Variants in CSMD1 observed in about 807,000 individuals in gnomAD.
CSMD1 encodes the protein CUB and Sushi multiple domains 1.
CSMD1 carries 213 observed loss-of-function variants against 417.5 expected under a neutral mutation model. That is an observed-to-expected ratio of 0.51 (90% CI 0.46 to 0.57). CSMD1 has a LOEUF of 0.57. CSMD1 is among the 20% of genes least tolerant of loss of function. The pLI, the probability that CSMD1 is intolerant of heterozygous loss-of-function variation, is 0.00. For synonymous variants in CSMD1, 2,862 were observed against 1,736.8 expected (o/e 1.65, Z -16.11); for missense variants, 6,923 against 4,529.7 (o/e 1.53, Z -15.17).
chr8:3,634,082 A>AG (rs1796917267), intron 7 of CSMD1, among the ~76,000 whole-genome samples: 2 of 148,836 alleles, frequency 1.3e-5, no homozygotes, highest in Admixed American at 6.7e-5. Flanking sequence ...TGGTGGGGGG[A>AG]GGGGGCCGTG....
intron 1 of CSMD1, among the ~76,000 whole-genome samples, chr8:4,895,505 A>G (rs1386758130): frequency 2.6e-5 from 4 of 152,088 alleles, no homozygotes; most frequent in Non-Finnish European, 4.4e-5. Flanking sequence ...TTCTTAATTC[A>G]CAGTCTTTTT....
chr8:4,423,679 G>T (rs373758008), intron 2 of CSMD1, among the ~76,000 whole-genome samples: 1 of 151,838 alleles, frequency 6.6e-6, no homozygotes, highest in Non-Finnish European at 1.5e-5. Context: ...ATCCCAGCAA[G>T]AATTTTTGGG....
chr8:3,920,351 GTGTGTGTT>G (rs909593748), intron 5 of CSMD1, among the ~76,000 whole-genome samples: 2 of 124,344 alleles, frequency 1.6e-5, no homozygotes, highest in African/African-American at 9.4e-5. Context: ...TCTAAGATGC[GTGTGTGTT>G]TGTGTGTGTG....
chr8:4,652,712 G>A (rs1470443156), intron 1 of CSMD1, among the ~76,000 whole-genome samples: 1 of 152,146 alleles, frequency 6.6e-6, no homozygotes, highest in East Asian at 1.9e-4. Flanking sequence ...CCCAAGCGCA[G>A]TGACAAGCTC....
intron 42 of CSMD1, among the ~76,000 whole-genome samples, chr8:3,113,805 C>G (rs1214767338): frequency 1.3e-5 from 2 of 152,214 alleles, no homozygotes; most frequent in Non-Finnish European, 2.9e-5. Flanking sequence ...CACCTTGGCA[C>G]AGGAGGGCGG....
chr8:3,800,622 G>C (rs1037199281), intron 5 of CSMD1, among the ~76,000 whole-genome samples: 1 of 152,178 alleles, frequency 6.6e-6, no homozygotes, highest in Admixed American at 6.6e-5. Context: ...GTTGGGCCTA[G>C]AAGAGGTATT....
At chr8:3,152,862 A>C (rs1425125934) in intron 39 of CSMD1, among the ~76,000 whole-genome samples, 1 of 152,182 alleles carries the variant, frequency 6.6e-6, no homozygotes, top group Non-Finnish European at 1.5e-5. Flanking sequence ...AGCAAATCTG[A>C]GTGGCATGCC....
rs942324281 is a variant in CSMD1, at chr8:3,807,385, T to C, written c.819-53343A>G. Among the ~76,000 whole-genome samples, 10 of 152,200 alleles carry C rather than the reference T, an allele frequency of 6.6e-5. No individual in the cohort carries two copies. In the East Asian group the frequency reaches 1.4e-3, roughly 21 times the overall value. Reference sequence around the variant, plus strand: ...TCTGGGAATATTCCCAAGCCCTTTATAGAAATTCAATACTGTATTCAGCAG... The same window carrying C: ...TCTGGGAATATTCCCAAGCCCTTTACAGAAATTCAATACTGTATTCAGCAG... On this transcript the variant is annotated intron_variant, in intron 5 of 69. Coordinates refer to ENST00000635120, the MANE Select transcript of CSMD1 (RefSeq NM_033225.6).
intron 3 of CSMD1, among the ~76,000 whole-genome samples, chr8:4,322,671 C>T (rs941355599): frequency 3.9e-5 from 6 of 152,134 alleles, no homozygotes; most frequent in South Asian, 2.1e-4. Context: ...CAGAATATTG[C>T]TTATTTTCAA....
intron 3 of CSMD1, among the ~76,000 whole-genome samples, chr8:4,412,687 T>G (rs1236483126): frequency 1.3e-5 from 2 of 152,182 alleles, no homozygotes; most frequent in Non-Finnish European, 2.9e-5. Context: ...AAATGTATAT[T>G]AAGTTCACGT....
At chr8:4,377,739 A>G (rs756082287) in intron 3 of CSMD1, among the ~76,000 whole-genome samples, 1 of 152,230 alleles carries the variant, frequency 6.6e-6, no homozygotes, top group Non-Finnish European at 1.5e-5. Flanking sequence ...TACTCTGCCC[A>G]TAACAACTAT....
At chr8:4,641,518 T>C (rs1205201422) in intron 1 of CSMD1, among the ~76,000 whole-genome samples, 1 of 152,154 alleles carries the variant, frequency 6.6e-6, no homozygotes, top group Non-Finnish European at 1.5e-5. Flanking sequence ...TTGTTGACCG[T>C]CTAAGTAGCC....
At chr8:3,973,984 G>C (rs1406465337) in intron 5 of CSMD1, among the ~76,000 whole-genome samples, 3 of 152,154 alleles carry the variant, frequency 2.0e-5, no homozygotes, top group African/African-American at 4.8e-5. Context: ...TTTATCCATT[G>C]AGTTGCAAAC....
chr8:3,080,217 G>C (rs1160921030), intron 49 of CSMD1, among the ~76,000 whole-genome samples: 1 of 152,166 alleles, frequency 6.6e-6, no homozygotes, highest in Non-Finnish European at 1.5e-5. Context: ...ACTCTGATGT[G>C]CCAGTTTAAC....
At chr8:3,633,648 T>C (rs1796889228) in intron 7 of CSMD1, among the ~76,000 whole-genome samples, 2 of 152,228 alleles carry the variant, frequency 1.3e-5, no homozygotes, top group African/African-American at 2.4e-5. Flanking sequence ...TAATGACATA[T>C]TTTTCAATCT....
chr8:4,070,084 G>C (rs959240438), intron 3 of CSMD1, among the ~76,000 whole-genome samples: 1 of 151,690 alleles, frequency 6.6e-6, no homozygotes, highest in Non-Finnish European at 1.5e-5. Flanking sequence ...TTTGCTCTTG[G>C]AATTAAAGAA....
chr8:4,810,782 G>T (rs920242145), intron 1 of CSMD1, among the ~76,000 whole-genome samples: 1 of 152,094 alleles, frequency 6.6e-6, no homozygotes, highest in African/African-American at 2.4e-5. Flanking sequence ...AAAGTGCCTC[G>T]CATATCACCA....
chr8:3,566,962 A>T (rs1264651018), intron 10 of CSMD1, among the ~76,000 whole-genome samples: 1 of 152,240 alleles, frequency 6.6e-6, no homozygotes, highest in Non-Finnish European at 1.5e-5. Context: ...TCTATCATAA[A>T]GACACATGCA....
chr8:4,082,272 A>G (rs1195842772), intron 3 of CSMD1, among the ~76,000 whole-genome samples: 2 of 152,178 alleles, frequency 1.3e-5, no homozygotes, highest in Non-Finnish European at 2.9e-5. Flanking sequence ...TAAAACTAAC[A>G]CAAGGTAGAA....
Sources: allele counts gnomAD v4.1 joint callset (sites outside exome capture counted in the v4.1 genomes callset), GRCh38; gene constraint gnomAD v4.1.1; transcripts MANE v1.5; gene names NCBI Gene and HGNC (gene_info 2026-07-23, HGNC 2026-07-21).